The following RAB11FIP3 variants were observed in gnomAD, a reference collection of about 807,000 sequenced individuals.
RAB11FIP3 encodes RAB11 family interacting protein 3, also known as rab11 family-interacting protein 3.
A neutral mutation model predicts 77.8 loss-of-function variants in RAB11FIP3; 17 were observed. The ratio of observed to expected loss-of-function variants is 0.22; its 90% CI spans 0.15 to 0.33. RAB11FIP3 has a LOEUF of 0.33. Ranked by LOEUF, RAB11FIP3 falls within the 10% of genes least tolerant of loss-of-function variation. The probability of loss-of-function intolerance (pLI) is 1.00; values close to 1 mark genes in which losing one functional copy is unlikely to be tolerated. For missense variants in RAB11FIP3, 1,005 were observed against 1,011.2 expected (o/e 0.99, Z 0.08); for synonymous variants, 437 against 448.2 (o/e 0.98, Z 0.31).
rs993832243 is a variant in RAB11FIP3, at chr16:507,185, C to T, written c.1499+1558C>T. On this transcript the variant is annotated intron_variant, in intron 8 of 13. Coordinates refer to ENST00000262305, the MANE Select transcript of RAB11FIP3 (RefSeq NM_014700.4). This position sits in a 1 kb window ranked among gnomAD's most constrained non-coding sequence, Gnocchi z 4.6. ...GGAGTGCAGTGGCGCAATCTTGGCT[C>T]ACCGCAACCTCCGCATCCCAGGTTC... Among the ~76,000 whole-genome samples the T allele has an allele frequency of 6.6e-6, 1 of 150,768 alleles. No individual in the cohort carries two copies. Among genetic ancestry groups the T allele is most frequent in the Non-Finnish European group, 1.5e-5 (1 of 67,860 alleles).
At chr16:502,970 C>T in intron 6 of RAB11FIP3, 34 bp from the exon 7 acceptor site, 1 of 1,536,652 alleles carries the variant, frequency 6.5e-7, no homozygotes, top group South Asian at 1.1e-5. Context: ...TGGTTTTTCC[C>T]TTTCTTCCCT....
chr16:448,466 G>T (rs2055353163), intron 1 of RAB11FIP3, among the ~76,000 whole-genome samples: 1 of 152,184 alleles, frequency 6.6e-6, no homozygotes, highest in Non-Finnish European at 1.5e-5. Flanking sequence ...GCCGGGCGCG[G>T]TGGCTCATGC....
At chr16:452,541 TCTC>T (rs2055425809) in intron 1 of RAB11FIP3, 1 of 150,116 alleles carries the variant, frequency 6.7e-6, no homozygotes, top group Non-Finnish European at 1.5e-5. Flanking sequence ...TTCACGCCAT[TCTC>T]CTGCCTCAGC....
At position 426,958 on chromosome 16, in the gene RAB11FIP3, C is replaced by A. The variant is rs1257222601; in HGVS notation, c.714+238C>A. The stretch of plus-strand genomic sequence containing the variant: ...TTCTGGGGAGTCAGTTTCTTCCCCT[C>A]CCCCCAGCGCCTCGTCAGCTGGATC... On this transcript the variant is annotated intron_variant, in intron 1 of 13. Coordinates refer to ENST00000262305, the MANE Select transcript of RAB11FIP3 (RefSeq NM_014700.4). The surrounding 1 kb of genome is among the most constrained non-coding windows in gnomAD (Gnocchi z 5.0). 6.6e-6 allele frequency among the ~76,000 whole-genome samples: 1 copy of A among 152,114 alleles called. No individual in the cohort carries two copies. The highest frequency in any genetic ancestry group is 1.5e-5 in the Non-Finnish European group (1 of 68,002).
chr16:476,185 G>A (rs1464892897), intron 3 of RAB11FIP3, among the ~76,000 whole-genome samples: 1 of 152,224 alleles, frequency 6.6e-6, no homozygotes, highest in African/African-American at 2.4e-5. Flanking sequence ...GAAGGTGAAG[G>A]TGGGTCCAGA....
rs2032659266 is a variant in RAB11FIP3 at position 520,955 on chromosome 16, C to G, written c.*116C>G. The G allele has an allele frequency of 2.3e-6, 2 of 857,992 alleles. No individual in the cohort carries two copies. Among genetic ancestry groups the G allele is most frequent in the Non-Finnish European group, 3.8e-6 (2 of 519,822 alleles). The allele number at this position is 857,992 out of a possible 1,614,324, so 53.1% of individuals were successfully genotyped here. ...CACAGCCGACAGTGCCCAGAGCATG[C>G]AGGGAACCCTCGTGCAGCTGAGCTG... On this transcript the variant is annotated 3_prime_UTR_variant, in exon 14 of 14. Transcript: ENST00000262305.
chr16:492,604 T>C (rs931690203), intron 5 of RAB11FIP3, among the ~76,000 whole-genome samples: 14 of 144,652 alleles, frequency 9.7e-5, no homozygotes, highest in African/African-American at 3.9e-4. Flanking sequence ...TGCCTGCGTG[T>C]GTGTTCAGCT....
At chr16:491,380 C>CG in intron 5 of RAB11FIP3, 2 of 1,153,290 alleles carry the variant, frequency 1.7e-6, no homozygotes, top group Non-Finnish European at 2.2e-6. Flanking sequence ...TCTCAGGCAG[C>CG]GGGACTCTCC....
intron 6 of RAB11FIP3, among the ~76,000 whole-genome samples, chr16:502,148 T>C (rs2031567198): frequency 6.6e-6 from 1 of 152,246 alleles, no homozygotes. Flanking sequence ...GGCTCTTCTG[T>C]GCGAGTGCTC....
chr16:488,749 G>A (rs931736790), intron 4 of RAB11FIP3, 102 bp from the exon 5 acceptor site: 67 of 1,110,970 alleles, frequency 6.0e-5, no homozygotes, highest in East Asian at 1.9e-4. Context: ...CAGGACTCAC[G>A]TGTGGCTTGT....
At chr16:497,939 CAAAAAAA>C (rs747783090) in intron 6 of RAB11FIP3, among the ~76,000 whole-genome samples, 1 of 46,140 alleles carries the variant, frequency 2.2e-5, no homozygotes, top group East Asian at 6.6e-4. Flanking sequence ...CCTGTCTCTA[CAAAAAAA>C]AAAAAAAAAT....
At chr16:429,076 A>G (rs2054996492) in intron 1 of RAB11FIP3, among the ~76,000 whole-genome samples, 1 of 152,078 alleles carries the variant, frequency 6.6e-6, no homozygotes, top group South Asian at 2.1e-4. Flanking sequence ...GCTTCCTGGG[A>G]TGGAGGAGAG....
intron 1 of RAB11FIP3, among the ~76,000 whole-genome samples, chr16:431,423 A>C (rs554885732): frequency 5.3e-5 from 8 of 149,766 alleles, no homozygotes; most frequent in Non-Finnish European, 1.0e-4. Flanking sequence ...TCTCTTGCCC[A>C]TGCTGGAGTG....
Position 482,639 on chromosome 16 carries a change from G to A in RAB11FIP3, c.1018G>A (p.Gly340Arg), listed in dbSNP as rs953372611. 4 of 1,613,448 alleles carry A rather than the reference G, an allele frequency of 2.5e-6. No individual in the cohort carries two copies. The Admixed American group carries it at 5.0e-5, about 20-fold the overall frequency. ...GGTGCACCCTGAGCTGCAACCTGAA[G>A]GGGACGCAGACAGTGCCGGCGGCTC... ...TLVHPELQPE[G>R]DADSAGGSAV... Residue 340 changes from glycine (G) to arginine (R), a missense_variant, in exon 4 of 14, where the codon GGG becomes AGG. Gly to Arg is a moderately radical substitution (Grantham distance 125). This residue lies in a region of RAB11FIP3 where 433 missense variants were observed against 436.1 expected (regional missense o/e 0.99). Coordinates refer to ENST00000262305, the MANE Select transcript of RAB11FIP3 (RefSeq NM_014700.4).
chr16:522,044 T>TGTGTGCGCGTATGTGTGCGTGCGTGC lies in RAB11FIP3; in HGVS notation c.*1205_*1206insGTGTGCGCGTATGTGTGCGTGCGTGC. 2 of 151,850 alleles carry TGTGTGCGCGTATGTGTGCGTGCGTGC rather than the reference T, an allele frequency of 1.3e-5. No homozygotes were observed. The highest frequency in any genetic ancestry group is 3.9e-4 in the East Asian group (2 of 5,110). The allele number at this position is 151,850 out of a possible 1,614,324, so 9.4% of individuals were successfully genotyped here. ...CGCTGCGTGTGTGTGCGCGCGCGTG[T>TGTGTGCGCGTATGTGTGCGTGCGTGC]ACGTGTGGCCCCACATCCGCCGCCT... On this transcript the variant is annotated 3_prime_UTR_variant, in exon 14 of 14. Transcript: ENST00000262305.
intron 6 of RAB11FIP3, among the ~76,000 whole-genome samples, chr16:500,468 G>A (rs1019322671): frequency 2.0e-5 from 3 of 151,958 alleles, no homozygotes; most frequent in Non-Finnish European, 4.4e-5. Flanking sequence ...AGATCACGAG[G>A]TCAGGAGTTT....
intron 5 of RAB11FIP3, among the ~76,000 whole-genome samples, chr16:493,607 T>A (rs957470603): frequency 2.6e-5 from 4 of 152,158 alleles, no homozygotes; most frequent in Admixed American, 6.5e-5. Flanking sequence ...GAGGTATATT[T>A]TCTTTTTTCT....
Position 503,086 on chromosome 16 carries a change from A to G in RAB11FIP3, c.1384A>G (p.Ile462Val), listed in dbSNP as rs757916449. Residue 462 changes from isoleucine to valine, a missense_variant, in exon 7 of 14, where the codon ATT (isoleucine) becomes GTT (valine). Transcript: ENST00000262305. ...GCTCATGGAGGGCCCAGAGGAGGAC[A>G]TTGCTGACAAGGTAGGCCCTGGAGG... Reference protein sequence around the residue: ...PELMEGPEEDIADKVVFLERR... With the variant: ...PELMEGPEEDVADKVVFLERR... 3 of 1,611,614 alleles carry G rather than the reference A, an allele frequency of 1.9e-6. No individual in the cohort carries two copies. The highest frequency in any genetic ancestry group is 2.5e-6 in the Non-Finnish European group (3 of 1,178,548).
At chr16:515,488 C>T (rs888075513) in intron 9 of RAB11FIP3, among the ~76,000 whole-genome samples, 2 of 151,930 alleles carry the variant, frequency 1.3e-5, no homozygotes, top group South Asian at 2.1e-4. Context: ...ATGGCTGACA[C>T]GGACCGGGGT....
Sources: gnomAD v4.1 joint callset for allele counts (sites outside exome capture counted in the v4.1 genomes callset) on GRCh38, gnomAD v4.1.1 for gene constraint, gnomAD v4.1.1 regional missense constraint, Gnocchi (gnomAD v3.1) non-coding constraint, MANE v1.5 for transcripts, NCBI Gene and HGNC (gene_info 2026-07-23, HGNC 2026-07-21) for gene names.